ZNF721: variants seen among roughly 807,000 people sequenced by gnomAD.
The protein encoded by ZNF721 is zinc finger protein 721.
A neutral mutation model predicts 2.4 loss-of-function variants in ZNF721; 2 were observed. That is an observed-to-expected ratio of 0.82 (90% CI 0.34 to 2.58). The LOEUF is 2.58. Among genes scored for constraint, ZNF721 ranks in the 30% most tolerant of loss-of-function variants. ZNF721 has a pLI of 0.11. For missense variants in ZNF721, 1,187 were observed against 1,085.5 expected (o/e 1.09, Z -1.31); for synonymous variants, 398 against 381.8 (o/e 1.04, Z -0.50).
intron 2 of ZNF721, among the ~76,000 whole-genome samples, chr4:449,592 A>G (rs1447231750): frequency 3.9e-5 from 6 of 152,182 alleles, no homozygotes; most frequent in African/African-American, 1.2e-4. Flanking sequence ...GGATTACAAC[A>G]AAGTAAAAAT....
intron 2 of ZNF721, among the ~76,000 whole-genome samples, chr4:456,981 C>G (rs2108699489): frequency 6.6e-6 from 1 of 152,202 alleles, no homozygotes; most frequent in South Asian, 2.1e-4. Context: ...ATCTATAAAA[C>G]ACTGAATATA....
intron 2 of ZNF721, chr4:453,409 A>G (rs1576956884): frequency 6.6e-6 from 1 of 152,204 alleles, no homozygotes; most frequent in South Asian, 2.1e-4. Flanking sequence ...CACCATTATC[A>G]CTGTTCTCCA....
intron 1 of ZNF721, among the ~76,000 whole-genome samples, chr4:479,433 A>G (rs1715718550): frequency 6.6e-6 from 1 of 152,180 alleles, no homozygotes; most frequent in African/African-American, 2.4e-5. Flanking sequence ...GGGCACATGG[A>G]TCCCTAGAGG....
intron 1 of ZNF721, among the ~76,000 whole-genome samples, chr4:482,750 C>A (rs1715801578): frequency 6.6e-6 from 1 of 152,158 alleles, no homozygotes; most frequent in Admixed American, 6.5e-5. Context: ...CCGCCTCAGC[C>A]TCCCAAAGTG....
At chr4:447,076 C>T (rs1714501700) in intron 2 of ZNF721, among the ~76,000 whole-genome samples, 1 of 152,096 alleles carries the variant, frequency 6.6e-6, no homozygotes, top group Non-Finnish European at 1.5e-5. Context: ...AATCCCAGCA[C>T]TTTGGGAGGC....
At chr4:491,024 A>G (rs1178895041) in intron 1 of ZNF721, among the ~76,000 whole-genome samples, 1 of 152,066 alleles carries the variant, frequency 6.6e-6, no homozygotes, top group Admixed American at 6.6e-5. Context: ...CCTCCTCAGT[A>G]TAGCACTGTG....
In ZNF721 at chr4:442,362, C is replaced by T. The variant is rs782133602; in HGVS notation, c.2105G>A (p.Cys702Tyr). 8 of 1,613,898 alleles carry T rather than the reference C, an allele frequency of 5.0e-6. No individual in the cohort carries two copies. The highest frequency in any genetic ancestry group is 6.8e-6 in the Non-Finnish European group (8 of 1,179,938). The change falls in exon 3 of 3, where the codon TGT (cysteine) becomes TAT (tyrosine). Residue 702 changes from cysteine (C) to tyrosine (Y), a missense_variant. By Grantham distance (194) the Cys-to-Tyr change is radical. Transcript: ENST00000511833. ...TCTTGACCTACTAAAGGCTTTGCCA[C>T]ACTCTTCACATTTGTAAGGTTTTTC... ...TGEKPYKCEECGKAFSRSRNL... is the reference protein window; with the variant it reads ...TGEKPYKCEEYGKAFSRSRNL...
At chr4:444,538 A>G (rs1553863961) in intron 2 of ZNF721, 106 bp from the exon 3 acceptor site, 1 of 1,141,894 alleles carries the variant, frequency 8.8e-7, no homozygotes, top group East Asian at 2.5e-5. Flanking sequence ...CACATAACAA[A>G]ATACCACAAG....
intron 1 of ZNF721, among the ~76,000 whole-genome samples, chr4:475,786 C>T (rs1419932284): frequency 1.3e-5 from 2 of 151,750 alleles, no homozygotes; most frequent in Non-Finnish European, 2.9e-5. Flanking sequence ...TATACCAAAG[C>T]TTCCCCCTAC....
At chr4:450,677 C>A (rs1331178447) in intron 2 of ZNF721, among the ~76,000 whole-genome samples, 1 of 151,336 alleles carries the variant, frequency 6.6e-6, no homozygotes, top group Middle Eastern at 3.2e-3. Flanking sequence ...TTGGCTCATG[C>A]CTGTAATCCC....
chr4:440,264 G>A lies in ZNF721; in HGVS notation c.*1431C>T, dbSNP rs1309102244. ...TCTTCTCTTTCATGTAGAAGTCTAT[G>A]AATAATGCCCACCTAATGCAAAGGA... is the stretch of plus-strand genomic sequence containing the variant. On this transcript the variant is annotated 3_prime_UTR_variant, in exon 3 of 3. Coordinates refer to ENST00000511833, the MANE Select transcript of ZNF721 (RefSeq NM_133474.4). The A allele has an allele frequency of 6.6e-6, 1 of 152,116 alleles. No individual in the cohort carries two copies. The highest frequency in any genetic ancestry group is 1.5e-5 in the Non-Finnish European group (1 of 68,022). The allele number at this position is 152,116 out of a possible 1,614,324, so 9.4% of individuals were successfully genotyped here. A position where few individuals can be genotyped will look rare whatever the true frequency, so the allele number is the denominator to read the frequency against.
In ZNF721 at chr4:442,347, C is replaced by T. The variant is rs537073532; in HGVS notation, c.2120G>A (p.Ser707Asn). ...ATGTGTAGTAAGGTTTCTTGACCTA[C>T]TAAAGGCTTTGCCACACTCTTCACA... ...YKCEECGKAFSRSRNLTTHRR... is the reference protein window; with the variant it reads ...YKCEECGKAFNRSRNLTTHRR... The change falls in exon 3 of 3, where the codon AGT becomes AAT. Residue 707 changes from serine to asparagine, a missense_variant. Transcript: ENST00000511833. 12 of 1,613,992 alleles carry T rather than the reference C, an allele frequency of 7.4e-6. No individual in the cohort carries two copies. The highest frequency in any genetic ancestry group is 2.2e-5 in the East Asian group (1 of 44,882).
intron 2 of ZNF721, among the ~76,000 whole-genome samples, chr4:446,978 G>A (rs1206844894): frequency 1.3e-5 from 2 of 152,124 alleles, no homozygotes; most frequent in Admixed American, 1.3e-4. Flanking sequence ...GAGTCACCGC[G>A]CCTGGCTGAG....
chr4:474,585 T>C (rs1715576035), intron 1 of ZNF721, among the ~76,000 whole-genome samples: 1 of 152,060 alleles, frequency 6.6e-6, no homozygotes, highest in Admixed American at 6.5e-5. Context: ...CTCTAAAAAA[T>C]AAAATGTTAG....
chr4:493,684 CAAAAA>C (rs34692559), intron 1 of ZNF721, among the ~76,000 whole-genome samples: 7 of 123,160 alleles, frequency 5.7e-5, no homozygotes, highest in Non-Finnish European at 7.0e-5. Flanking sequence ...ATCCCCCCCG[CAAAAA>C]AAAAAAAAAA....
At chr4:479,551 G>T (rs1715721112) in intron 1 of ZNF721, among the ~76,000 whole-genome samples, 1 of 152,230 alleles carries the variant, frequency 6.6e-6, no homozygotes, top group Admixed American at 6.5e-5. Flanking sequence ...CAGGGACCAG[G>T]GGGCTGCAGG....
At chr4:449,044 AAGC>A (rs1354172870) in intron 2 of ZNF721, among the ~76,000 whole-genome samples, 6 of 152,310 alleles carry the variant, frequency 3.9e-5, no homozygotes, top group African/African-American at 1.2e-4. Context: ...TTAAAATAAA[AAGC>A]AGAATTGTTT....
Position 443,228 on chromosome 4 carries a change from T to G in ZNF721, c.1239A>C (p.Arg413Ser). The change falls in exon 3 of 3, where the codon AGA becomes AGC. Residue 413 changes from arginine to serine, a missense_variant. By Grantham distance (110) the Arg-to-Ser change is moderately radical (BLOSUM62 -1). Transcript: ENST00000511833. ...NLTAHKRIHT[R>S]EKPYTCEDRG... ...GATCTTCACATGTGTAGGGTTTCTCTCTGGTGTGAATTCTCTTATGTGCAG... is the reference window on the plus strand; with the variant it reads ...GATCTTCACATGTGTAGGGTTTCTCGCTGGTGTGAATTCTCTTATGTGCAG... 6.2e-7 allele frequency: 1 copy of G among 1,614,016 alleles called. No homozygotes were observed. Among genetic ancestry groups the G allele is most frequent in the Non-Finnish European group, 8.5e-7 (1 of 1,179,946 alleles).
intron 2 of ZNF721, among the ~76,000 whole-genome samples, chr4:454,717 T>C (rs797028713): frequency 6.6e-6 from 1 of 152,182 alleles, no homozygotes; most frequent in South Asian, 2.1e-4. Context: ...AAGTTAAATA[T>C]TAAATTTGAA....
Sources: allele counts gnomAD v4.1 joint callset (sites outside exome capture counted in the v4.1 genomes callset), GRCh38; gene constraint gnomAD v4.1.1; transcripts MANE v1.5; gene names NCBI Gene and HGNC (gene_info 2026-07-23, HGNC 2026-07-21).